The following ADGRL3 variants were observed in gnomAD, a reference collection of about 807,000 sequenced individuals.
The protein encoded by ADGRL3 is adhesion G protein-coupled receptor L3.
A neutral mutation model predicts 153.5 loss-of-function variants in ADGRL3; 62 were observed. The observed-to-expected ratio is 0.40, with a 90% CI of 0.33 to 0.50. ADGRL3 has a LOEUF of 0.50. Among genes scored for constraint, ADGRL3 ranks in the 20% least tolerant of loss-of-function variants. The pLI, the probability that ADGRL3 is intolerant of heterozygous loss-of-function variation, is 0.47. For missense variants in ADGRL3, 1,641 were observed against 1,859.4 expected (o/e 0.88, Z 2.16); for synonymous variants, 710 against 672.5 (o/e 1.06, Z -0.86).
At chr4:61,364,525 T>A (rs1051168062) in intron 1 of ADGRL3, among the ~76,000 whole-genome samples, 35 of 152,256 alleles carry the variant, frequency 2.3e-4, no homozygotes, top group Middle Eastern at 3.4e-3. Context: ...CTTACTTTTT[T>A]AAAATATTTA....
Position 61,533,455 on chromosome 4 carries a change from C to T in ADGRL3, c.259+15937C>T, listed in dbSNP as rs187078436. Among the ~76,000 whole-genome samples, 39 of 131,540 alleles carry T rather than the reference C, an allele frequency of 3.0e-4. 1 individual carries two copies. Among genetic ancestry groups the T allele is most frequent in the African/African-American group, 1.1e-3 (39 of 33,994 alleles). 86.3% of individuals were successfully genotyped at this position (131,540 alleles called of 152,430 possible). A position where few individuals can be genotyped will look rare whatever the true frequency, so the allele number is the denominator to read the frequency against. ...CTGGGAAACTGGGCTAGATTGTAAT[C>T]TCTCTGAGAGCATTTGTATTTTTTT... On this transcript the variant is annotated intron_variant, in intron 4 of 26. Coordinates refer to ENST00000683033, the MANE Select transcript of ADGRL3 (RefSeq NM_001387552.1).
At chr4:61,568,023 T>C (rs964415131) in intron 4 of ADGRL3, among the ~76,000 whole-genome samples, 1 of 152,178 alleles carries the variant, frequency 6.6e-6, no homozygotes, top group African/African-American at 2.4e-5. Flanking sequence ...TGAGTCTAAT[T>C]ATTAATTCAT....
chr4:61,679,025 A>C (rs1415538871), intron 6 of ADGRL3, among the ~76,000 whole-genome samples: 1 of 152,062 alleles, frequency 6.6e-6, no homozygotes, highest in African/African-American at 2.4e-5. Flanking sequence ...TTGTGTTGCT[A>C]TAAAGGAATA....
At chr4:61,771,575 C>G (rs1055619684) in intron 8 of ADGRL3, among the ~76,000 whole-genome samples, 4 of 152,042 alleles carry the variant, frequency 2.6e-5, no homozygotes, top group African/African-American at 9.7e-5. Flanking sequence ...AGAGATGGAC[C>G]CTTTTCCTTT....
intron 11 of ADGRL3, among the ~76,000 whole-genome samples, chr4:61,896,770 C>A (rs959555413): frequency 6.6e-6 from 1 of 152,128 alleles, no homozygotes; most frequent in African/African-American, 2.4e-5. Flanking sequence ...CATAATGATG[C>A]TTCTCCAGTT....
intron 2 of ADGRL3, among the ~76,000 whole-genome samples, chr4:61,457,258 G>C (rs2097765293): frequency 6.6e-6 from 1 of 151,804 alleles, no homozygotes; most frequent in Admixed American, 6.6e-5. Context: ...TCGTATTGTA[G>C]TCATTCTCAA....
intron 10 of ADGRL3, among the ~76,000 whole-genome samples, chr4:61,894,482 C>T (rs2098612617): frequency 6.6e-6 from 1 of 152,044 alleles, no homozygotes; most frequent in South Asian, 2.1e-4. Flanking sequence ...CATCTTTTTT[C>T]TTAGCTCTGT....
chr4:61,901,186 A>G (rs557123945), intron 11 of ADGRL3, among the ~76,000 whole-genome samples: 2 of 152,328 alleles, frequency 1.3e-5, no homozygotes, highest in African/African-American at 4.8e-5. Flanking sequence ...CTATATTGTA[A>G]TGGTGAGAAT....
At chr4:61,720,235 G>A (rs1044535369) in intron 6 of ADGRL3, among the ~76,000 whole-genome samples, 5 of 151,632 alleles carry the variant, frequency 3.3e-5, no homozygotes, top group African/African-American at 1.2e-4. Flanking sequence ...GACTACAGGC[G>A]CCCACCACCA....
intron 1 of ADGRL3, among the ~76,000 whole-genome samples, chr4:61,260,306 C>A (rs1206006999): frequency 6.6e-6 from 1 of 152,100 alleles, no homozygotes; most frequent in Admixed American, 6.6e-5. Flanking sequence ...TAACCAAGTG[C>A]TGTTGACATG....
intron 11 of ADGRL3, among the ~76,000 whole-genome samples, chr4:61,901,691 G>A (rs971310524): frequency 2.6e-5 from 4 of 152,030 alleles, no homozygotes; most frequent in Non-Finnish European, 5.9e-5. Flanking sequence ...CTTGATTAGT[G>A]GTTGATATGA....
chr4:61,499,777 T>A (rs1393817102), intron 3 of ADGRL3, among the ~76,000 whole-genome samples: 1 of 152,098 alleles, frequency 6.6e-6, no homozygotes, highest in Non-Finnish European at 1.5e-5. Flanking sequence ...ATTCAAAAGA[T>A]CAATCTAAAA....
At chr4:61,936,778 G>GCACACACACACACACA (rs1352842847) in intron 15 of ADGRL3, among the ~76,000 whole-genome samples, 8 of 33,048 alleles carry the variant, frequency 2.4e-4, no homozygotes, top group Admixed American at 5.4e-4. Flanking sequence ...ATGTACATAT[G>GCACACACACACACACA]CATACACACA....
At position 61,958,910 on chromosome 4, in the gene ADGRL3, A is replaced by AC. The variant is rs1273672728; in HGVS notation, c.2805+10638dup. ...TAACTTTTCTGAATTGCTACCATAA[A>AC]CCCCAAGGTGGCAACACAGCTGGTT... On this transcript the variant is annotated intron_variant, in intron 17 of 26. Transcript: ENST00000683033. 5.9e-5 allele frequency among the ~76,000 whole-genome samples: 9 copies of AC among 152,050 alleles called. No homozygotes were observed. In the South Asian group the frequency reaches 1.0e-3, roughly 18 times the overall value.
At chr4:61,655,302 A>T (rs1208945870) in intron 5 of ADGRL3, among the ~76,000 whole-genome samples, 1 of 152,180 alleles carries the variant, frequency 6.6e-6, no homozygotes, top group Non-Finnish European at 1.5e-5. Context: ...TTTCTAAGAG[A>T]ATATTTTTAA....
At chr4:61,648,112 T>C (rs1253213015) in intron 5 of ADGRL3, among the ~76,000 whole-genome samples, 3 of 152,144 alleles carry the variant, frequency 2.0e-5, no homozygotes, top group Middle Eastern at 3.2e-3. Flanking sequence ...ATGGCTGTTA[T>C]TATTTCAATT....
intron 21 of ADGRL3, among the ~76,000 whole-genome samples, chr4:62,025,354 A>T (rs1215403013): frequency 6.6e-6 from 1 of 152,180 alleles, no homozygotes; most frequent in East Asian, 1.9e-4. Flanking sequence ...TGACTAGGGG[A>T]TTAGTATAAG....
intron 8 of ADGRL3, among the ~76,000 whole-genome samples, chr4:61,747,853 G>T (rs1376097776): frequency 1.3e-5 from 2 of 151,954 alleles, no homozygotes; most frequent in African/African-American, 4.8e-5. Context: ...GGAAGTTCTG[G>T]TCAGGGCAAT....
intron 8 of ADGRL3, among the ~76,000 whole-genome samples, chr4:61,779,414 C>G (rs948414312): frequency 4.0e-5 from 6 of 151,508 alleles, no homozygotes; most frequent in African/African-American, 1.5e-4. Flanking sequence ...GAGTGGATCA[C>G]CTGAGGTCAG....
Sources: allele counts gnomAD v4.1 joint callset (sites outside exome capture counted in the v4.1 genomes callset), GRCh38; gene constraint gnomAD v4.1.1; transcripts MANE v1.5; gene names NCBI Gene and HGNC (gene_info 2026-07-23, HGNC 2026-07-21).